The following ATP6V1C1 variants were observed in gnomAD, a reference collection of about 807,000 sequenced individuals.
The protein encoded by ATP6V1C1 is V-type proton ATPase subunit C 1.
A neutral mutation model predicts 53.9 loss-of-function variants in ATP6V1C1; 45 were observed. The observed-to-expected ratio is 0.83, with a 90% CI of 0.66 to 1.07. The LOEUF is 1.07. Among genes scored for constraint, ATP6V1C1 ranks in the 50% least tolerant of loss-of-function variants. ATP6V1C1 has a pLI of 0.00. For missense variants in ATP6V1C1, 315 were observed against 440.3 expected, an observed-to-expected ratio of 0.72 and a Z score of 2.55; for synonymous variants, 153 against 155.2, an observed-to-expected ratio of 0.99 and a Z score of 0.11.
chr8:103,051,703 A>G (rs1040785793), intron 5 of ATP6V1C1, among the ~76,000 whole-genome samples: 3 of 152,132 alleles, frequency 2.0e-5, no homozygotes, highest in Non-Finnish European at 4.4e-5. Flanking sequence ...TTTTATATTG[A>G]GAAATCCTTG....
chr8:103,066,192 TGTAAAG>T (rs67271215), intron 11 of ATP6V1C1, 123 bp from the exon 12 acceptor site: 331,395 of 1,144,180 alleles, frequency 0.29, 50,311 homozygotes, highest in Admixed American at 0.41. Flanking sequence ...TAGTTGAACT[TGTAAAG>T]GTAAAGGGAG....
At chr8:103,033,656 G>A (rs4147529) in intron 1 of ATP6V1C1, among the ~76,000 whole-genome samples, 39,468 of 152,014 alleles carry the variant, frequency 0.26, 5,934 homozygotes, top group Admixed American at 0.39. Flanking sequence ...TTCATCCTTA[G>A]CATATAATAT....
chr8:103,063,630 T>C (rs1044928424), intron 10 of ATP6V1C1, among the ~76,000 whole-genome samples: 2 of 152,316 alleles, frequency 1.3e-5, no homozygotes, highest in African/African-American at 4.8e-5. Flanking sequence ...ACTTTTCACT[T>C]TCTTGAGGCA....
Position 103,072,883 on chromosome 8 carries a change from G to A in ATP6V1C1, c.*4136G>A, listed in dbSNP as rs567078774. ...AAACAAGACAACATCCTTCATACCAGGAATGGTCAAGATAATGCAAGAAGA... is the reference window on the plus strand; with the variant it reads ...AAACAAGACAACATCCTTCATACCAAGAATGGTCAAGATAATGCAAGAAGA... On this transcript the variant is annotated 3_prime_UTR_variant, in exon 13 of 13. Transcript: ENST00000518738. 1 of 152,260 alleles carries A rather than the reference G, an allele frequency of 6.6e-6. No homozygotes were observed. The highest frequency in any genetic ancestry group is 2.1e-4 in the South Asian group (1 of 4,812). The allele number at this position is 152,260 out of a possible 1,614,324, so 9.4% of individuals were successfully genotyped here.
At chr8:103,064,920 C>G in intron 11 of ATP6V1C1, 109 bp downstream of exon 11, 1 of 896,362 alleles carries the variant, frequency 1.1e-6, no homozygotes, top group Non-Finnish European at 1.7e-6. Flanking sequence ...TTGGAGAAAT[C>G]AAAGGGCCAA....
chr8:103,047,903 A>T (rs370396726), intron 3 of ATP6V1C1, among the ~76,000 whole-genome samples: 2 of 152,206 alleles, frequency 1.3e-5, no homozygotes. Context: ...TCTGTCTGCA[A>T]CCTGGCAATC....
rs937415930 is a variant in ATP6V1C1, at chr8:103,070,582, T to G, written c.*1835T>G. On this transcript the variant is annotated 3_prime_UTR_variant, in exon 13 of 13. Coordinates refer to ENST00000518738, the MANE Select transcript of ATP6V1C1 (RefSeq NM_001695.5). ...TCTCTCTATCATGGGGGGGCATGTTTTGACATTAAATTGACTTTTAAGAAA... is the reference window on the plus strand; with the variant it reads ...TCTCTCTATCATGGGGGGGCATGTTGTGACATTAAATTGACTTTTAAGAAA... 1 of 152,208 alleles carries G rather than the reference T, an allele frequency of 6.6e-6. No individual in the cohort carries two copies. The highest frequency in any genetic ancestry group is 1.5e-5 in the Non-Finnish European group (1 of 68,028). 9.4% of individuals were successfully genotyped at this position (152,208 alleles called of 1,614,324 possible).
At chr8:103,024,887 T>C (rs1174200029) in intron 1 of ATP6V1C1, among the ~76,000 whole-genome samples, 1 of 152,194 alleles carries the variant, frequency 6.6e-6, no homozygotes, top group African/African-American at 2.4e-5. Flanking sequence ...TATGCGTTTA[T>C]TGAGTTAAAA....
intron 1 of ATP6V1C1, among the ~76,000 whole-genome samples, chr8:103,030,767 TG>T (rs35259661): frequency 0.11 from 16,600 of 151,706 alleles, 1,824 homozygotes; most frequent in African/African-American, 0.28. Flanking sequence ...CAGAAACTTA[TG>T]GGGGGGGTCT....
intron 12 of ATP6V1C1, among the ~76,000 whole-genome samples, chr8:103,068,317 C>T (rs549955706): frequency 6.6e-6 from 1 of 151,234 alleles, no homozygotes; most frequent in Non-Finnish European, 1.5e-5. Flanking sequence ...AGTCTTGTAT[C>T]CCATCAACTC....
chr8:103,055,763 C>G (rs1286207806), intron 7 of ATP6V1C1, 105 bp from the exon 8 acceptor site: 1 of 1,045,922 alleles, frequency 9.6e-7, no homozygotes. Context: ...AGTATACTTA[C>G]TATAGCCAGA....
At chr8:103,052,593 T>C in intron 5 of ATP6V1C1, 138 bp from the exon 6 acceptor site, 1 of 411,248 alleles carries the variant, frequency 2.4e-6, no homozygotes, top group East Asian at 3.7e-5. Flanking sequence ...AAAGTCGTGC[T>C]TTTAAAATAA....
chr8:103,044,638 A>G (rs1817062671), intron 3 of ATP6V1C1, among the ~76,000 whole-genome samples: 1 of 149,552 alleles, frequency 6.7e-6, no homozygotes, highest in Non-Finnish European at 1.5e-5. Context: ...GTAACTTTGT[A>G]GTAAGTTTTA....
intron 8 of ATP6V1C1, among the ~76,000 whole-genome samples, chr8:103,059,604 T>G (rs1051172811): frequency 2.6e-5 from 4 of 151,214 alleles, no homozygotes; most frequent in African/African-American, 7.3e-5. Flanking sequence ...CGTTAAAAAT[T>G]GATGTTTTGT....
intron 12 of ATP6V1C1, 65 bp downstream of exon 12, chr8:103,066,512 GAAGA>G (rs1817493888): frequency 1.4e-6 from 2 of 1,454,852 alleles, no homozygotes; most frequent in Admixed American, 2.5e-5. Context: ...ATGATTGAAA[GAAGA>G]TAGACAGAAA....
In ATP6V1C1 at chr8:103,049,204, T is replaced by C. The variant is rs144347492; in HGVS notation, c.286+249T>C. 7.4e-3 allele frequency among the ~76,000 whole-genome samples: 1,120 copies of C among 152,358 alleles called. 18 individuals carry two copies. The highest frequency in any genetic ancestry group is 0.026 in the African/African-American group (1,077 of 41,586). On this transcript the variant is annotated intron_variant, in intron 4 of 12. Coordinates refer to ENST00000518738, the MANE Select transcript of ATP6V1C1 (RefSeq NM_001695.5). ...GCTTATAATATGATGCCAAGTCTCC[T>C]GCAAGAGCAGTATTGTAAAGGTTTG...
intron 3 of ATP6V1C1, among the ~76,000 whole-genome samples, chr8:103,046,559 G>A (rs1448359873): frequency 6.6e-6 from 1 of 152,128 alleles, no homozygotes; most frequent in East Asian, 1.9e-4. Context: ...AAGGACAAAT[G>A]TAGTTAGTTT....
intron 1 of ATP6V1C1, among the ~76,000 whole-genome samples, chr8:103,030,628 G>A (rs139227188): frequency 4.0e-4 from 61 of 152,280 alleles, no homozygotes; most frequent in African/African-American, 1.3e-3. Flanking sequence ...CGTGTTTTAG[G>A]AAGGGAACAC....
chr8:103,023,166 G>A (rs1004017633), intron 1 of ATP6V1C1, among the ~76,000 whole-genome samples: 6 of 152,168 alleles, frequency 3.9e-5, no homozygotes, highest in East Asian at 1.9e-4. Flanking sequence ...TGGCTGAAAC[G>A]GGGAGGGAGA....
Sources: allele counts gnomAD v4.1 joint callset (sites outside exome capture counted in the v4.1 genomes callset), GRCh38; gene constraint gnomAD v4.1.1; transcripts MANE v1.5; gene names NCBI Gene and HGNC (gene_info 2026-07-23, HGNC 2026-07-21).